The following PAN3 variants were observed in gnomAD, a reference collection of about 807,000 sequenced individuals.
PAN3 encodes PAN2-PAN3 deadenylation complex subunit PAN3.
PAN3 carries 19 observed loss-of-function variants against 96.2 expected under a neutral mutation model. The observed-to-expected ratio is 0.20, with a 90% CI of 0.14 to 0.29. The LOEUF is 0.29. Ranked by LOEUF, PAN3 falls within the 10% of genes least tolerant of loss-of-function variation. The pLI, the probability that PAN3 is intolerant of heterozygous loss-of-function variation, is 1.00. For missense variants in PAN3, 882 were observed against 1,108.1 expected, an observed-to-expected ratio of 0.80 and a Z score of 2.90; for synonymous variants, 433 against 406.6, an observed-to-expected ratio of 1.06 and a Z score of -0.78.
At chr13:28,145,247 A>C (rs941355593) in intron 1 of PAN3, among the ~76,000 whole-genome samples, 8 of 148,490 alleles carry the variant, frequency 5.4e-5, no homozygotes, top group Non-Finnish European at 1.0e-4. Context: ...TCTTATTTGC[A>C]CTTGCGTGTG....
chr13:28,139,593 T>G (rs1869392123), intron 1 of PAN3, among the ~76,000 whole-genome samples: 1 of 145,412 alleles, frequency 6.9e-6, no homozygotes, highest in Non-Finnish European at 1.5e-5. Context: ...CTTCGTGGAG[T>G]AGGTTGAAAG....
intron 5 of PAN3, among the ~76,000 whole-genome samples, chr13:28,218,504 T>C (rs531041441): frequency 6.6e-6 from 1 of 152,304 alleles, no homozygotes; most frequent in African/African-American, 2.4e-5. Flanking sequence ...GGTTTTGGCA[T>C]CCGTGGTTAT....
In PAN3 at chr13:28,256,275, T is replaced by C. The variant is rs117377122; in HGVS notation, c.1001-17T>C. 7.7e-4 allele frequency: 1,243 copies of C among 1,605,068 alleles called. 33 individuals carry two copies. In the East Asian group the frequency reaches 0.027, roughly 35 times the overall value. On this transcript the variant is annotated splice_polypyrimidine_tract_variant and intron_variant, in intron 6 of 18. Transcript: ENST00000380958. The stretch of plus-strand genomic sequence containing the variant: ...CAATTATTGCTCCATTAAGAAACAT[T>C]TTTACATCTTCTTCAGGAATGTCGT...
intron 6 of PAN3, among the ~76,000 whole-genome samples, chr13:28,244,184 A>G (rs1883957420): frequency 2.0e-5 from 3 of 152,126 alleles, no homozygotes; most frequent in African/African-American, 7.2e-5. Context: ...CTAGCCCTTT[A>G]TTAAGTGTTG....
At chr13:28,261,869 T>C (rs1302283376) in intron 9 of PAN3, among the ~76,000 whole-genome samples, 2 of 149,542 alleles carry the variant, frequency 1.3e-5, no homozygotes, top group Non-Finnish European at 3.0e-5. Context: ...CCCAAGGTAC[T>C]ACTGATCATC....
chr13:28,138,459 CCCTCCCTCCTTCTACCCCCT>C (rs1369585007), upstream of PAN3: 1 of 252,238 alleles, frequency 4.0e-6, no homozygotes, highest in African/African-American at 2.3e-5. Flanking sequence ...TCTCCCCCTA[CCCTCCCTCCTTCTACCCCCT>C]CCTCCCTCCC....
At chr13:28,215,547 C>G (rs1880641574) in intron 5 of PAN3, 1 of 699,478 alleles carries the variant, frequency 1.4e-6, no homozygotes, top group Admixed American at 2.2e-5. Flanking sequence ...AGTGATTATT[C>G]TGAACCATTC....
intron 1 of PAN3, among the ~76,000 whole-genome samples, chr13:28,162,927 G>C (rs529015910): frequency 1.3e-5 from 2 of 151,850 alleles, no homozygotes; most frequent in South Asian, 4.2e-4. Context: ...AAAAGTGAAA[G>C]GTGTGCATAA....
intron 1 of PAN3, among the ~76,000 whole-genome samples, chr13:28,157,612 G>A (rs1872364942): frequency 6.6e-6 from 1 of 152,070 alleles, no homozygotes. Context: ...ATTCACAATA[G>A]CCGTGAAAAA....
At chr13:28,139,192 C>G (rs938267961) in intron 1 of PAN3, 105 bp downstream of exon 1, 118 of 1,190,338 alleles carry the variant, frequency 9.9e-5, no homozygotes, top group East Asian at 8.9e-4. Context: ...GGGCTCCCCC[C>G]CTCACCTCCC....
rs1238816153 is a variant in PAN3, at chr13:28,256,525, C to T, written c.1234C>T (p.Pro412Ser). Reference sequence around the variant, plus strand: ...CTTCTATACAGACACAACTCCAGCACCTTTGACTGGAATGGTATGTCTACA... The same window carrying T: ...CTTCTATACAGACACAACTCCAGCATCTTTGACTGGAATGGTATGTCTACA... ...TYFYTDTTPA[P>S]LTGMVFPNYH... Residue 412 changes from proline (P) to serine (S), a missense_variant, in exon 7 of 19, where the codon CCT becomes TCT. Pro to Ser is a moderately conservative substitution (Grantham distance 74). Around this residue, in one of 3 missense-constraint regions of PAN3, gnomAD observed 364 missense variants for 513.6 expected, o/e 0.71. Transcript: ENST00000380958. 1 of 1,613,428 alleles carries T rather than the reference C, an allele frequency of 6.2e-7. No homozygotes were observed. Among genetic ancestry groups the T allele is most frequent in the Non-Finnish European group, 8.5e-7 (1 of 1,179,668 alleles).
chr13:28,253,975 G>A (rs1039289712), intron 6 of PAN3, among the ~76,000 whole-genome samples: 4 of 151,820 alleles, frequency 2.6e-5, no homozygotes, highest in African/African-American at 9.7e-5. Context: ...CTCTTTCCAC[G>A]TACTCAGCCT....
chr13:28,213,629 A>G lies in PAN3; in HGVS notation c.853-6602A>G, dbSNP rs548087930. ...ATGGTTATGTAAGATGTTACCTGCC[A>G]TCAAAGAAGGTAAAAGGTACCATTT... is the stretch of plus-strand genomic sequence containing the variant. On this transcript the variant is annotated intron_variant, in intron 5 of 18. Coordinates refer to ENST00000380958, the MANE Select transcript of PAN3 (RefSeq NM_175854.8). Among the ~76,000 whole-genome samples the G allele has an allele frequency of 1.9e-3, 286 of 151,962 alleles. 2 individuals carry two copies. Among genetic ancestry groups the G allele is most frequent in the Non-Finnish European group, 3.1e-3 (211 of 67,974 alleles).
intron 4 of PAN3, among the ~76,000 whole-genome samples, 168 bp downstream of exon 4, chr13:28,178,103 A>T (rs1875288289): frequency 6.6e-6 from 1 of 151,642 alleles, no homozygotes. Context: ...TTATATGTGG[A>T]AATTTATTTG....
At chr13:28,251,084 T>C (rs547357778) in intron 6 of PAN3, among the ~76,000 whole-genome samples, 1 of 152,232 alleles carries the variant, frequency 6.6e-6, no homozygotes, top group Admixed American at 6.5e-5. Context: ...TACTTTGCTA[T>C]TTAATGCATC....
At chr13:28,176,396 T>G in intron 2 of PAN3, 97 bp from the exon 3 acceptor site, 1 of 1,060,382 alleles carries the variant, frequency 9.4e-7, no homozygotes, top group Non-Finnish European at 1.4e-6. Context: ...AACAGTAGAT[T>G]GGAGGGGAAG....
intron 1 of PAN3, among the ~76,000 whole-genome samples, chr13:28,173,227 A>C (rs1874528510): frequency 6.6e-6 from 1 of 152,176 alleles, no homozygotes; most frequent in Non-Finnish European, 1.5e-5. Flanking sequence ...GTCTCATTTT[A>C]ATACCTCTCT....
At chr13:28,274,320 T>G (rs1357249737) in intron 14 of PAN3, among the ~76,000 whole-genome samples, 1 of 152,180 alleles carries the variant, frequency 6.6e-6, no homozygotes, top group Non-Finnish European at 1.5e-5. Context: ...AATTTTTCTT[T>G]ATGACCTTTA....
chr13:28,213,847 T>C (rs1171607547), intron 5 of PAN3, among the ~76,000 whole-genome samples: 1 of 152,162 alleles, frequency 6.6e-6, no homozygotes, highest in African/African-American at 2.4e-5. Flanking sequence ...AAATAAGTTA[T>C]TTGGGAAATG....
Sources: gnomAD v4.1 joint callset for allele counts (sites outside exome capture counted in the v4.1 genomes callset) on GRCh38, gnomAD v4.1.1 for gene constraint, gnomAD v4.1.1 regional missense constraint, MANE v1.5 for transcripts, NCBI Gene and HGNC (gene_info 2026-07-23, HGNC 2026-07-21) for gene names.